The following CFAP52 variants were observed in gnomAD, a reference collection of about 807,000 sequenced individuals.
CFAP52 encodes the protein cilia and flagella associated protein 52.
Under a neutral mutation model 70.5 loss-of-function variants are expected in CFAP52, and 57 were observed. The observed-to-expected ratio is 0.81, with a 90% CI of 0.65 to 1.01. The LOEUF is 1.01. Among genes scored for constraint, CFAP52 ranks in the 50% least tolerant of loss-of-function variants. The pLI, the probability that CFAP52 is intolerant of heterozygous loss-of-function variation, is 0.00. For missense variants in CFAP52, 785 were observed against 788.5 expected (o/e 1.00, Z 0.05); for synonymous variants, 267 against 292.5 (o/e 0.91, Z 0.89).
intron 1 of CFAP52, chr17:9,584,379 C>T (rs1315950502): frequency 7.9e-7 from 1 of 1,271,226 alleles, no homozygotes; most frequent in South Asian, 1.3e-5. Context: ...CTGGTGGGCA[C>T]TCAGAACTGA....
At position 9,581,069 on chromosome 17, in the gene CFAP52, C is replaced by A. The variant is rs941488651; in HGVS notation, c.70+4304C>A. ...TGGTGGCTCACGCCTGTAATCCCAG[C>A]ACTTTGGAAGGCCCAGGCGGGTGGA... On this transcript the variant is annotated intron_variant, in intron 1 of 13. Transcript: ENST00000352665. 2.0e-5 allele frequency among the ~76,000 whole-genome samples: 3 copies of A among 152,224 alleles called. No individual in the cohort carries two copies. The East Asian group carries it at 5.8e-4, about 29-fold the overall frequency.
At chr17:9,632,512 A>G (rs1021192646) in intron 9 of CFAP52, among the ~76,000 whole-genome samples, 2 of 152,202 alleles carry the variant, frequency 1.3e-5, no homozygotes, top group African/African-American at 4.8e-5. Context: ...AGCTGTTATC[A>G]CAATCCAGGA....
intron 11 of CFAP52, among the ~76,000 whole-genome samples, chr17:9,636,225 AAGAAAGAAAGAAAGAAAGAAAGAAAGAG>A (rs1248719750): frequency 2.3e-4 from 34 of 150,096 alleles, no homozygotes; most frequent in African/African-American, 6.2e-4. Flanking sequence ...GAAAGAAAGA[AAGAAAGAAAGAAAGAAAGAAAGAAAGAG>A]AAAGAAAAAT....
At position 9,586,796 on chromosome 17, in the gene CFAP52, T is replaced by G; in HGVS notation, c.369T>G (p.Asp123Glu). 6.2e-7 allele frequency: 1 copy of G among 1,613,496 alleles called. No homozygotes were observed. The highest frequency in any genetic ancestry group is 1.3e-5 in the African/African-American group (1 of 74,970). Residue 123 changes from aspartate (D) to glutamate (E), a missense_variant, in exon 3 of 14, where the codon GAT becomes GAG. By Grantham distance (45) the Asp-to-Glu change is conservative. Coordinates refer to ENST00000352665, the MANE Select transcript of CFAP52 (RefSeq NM_145054.5). ...KIEALAFSPN[D>E]LYLVSLGGPD... Reference sequence around the variant, plus strand: ...AAGCTCTGGCCTTTTCTCCAAATGATTTGTACTTGGTATCACTAGGAGGCC... The same window carrying G: ...AAGCTCTGGCCTTTTCTCCAAATGAGTTGTACTTGGTATCACTAGGAGGCC...
intron 6 of CFAP52, among the ~76,000 whole-genome samples, chr17:9,601,495 G>A (rs1481097568): frequency 4.6e-5 from 7 of 152,210 alleles, no homozygotes; most frequent in South Asian, 2.1e-4. Context: ...TTTAAACTGC[G>A]TTGGTTCCAG....
At chr17:9,613,728 A>C (rs1909797963) in intron 8 of CFAP52, among the ~76,000 whole-genome samples, 1 of 152,074 alleles carries the variant, frequency 6.6e-6, no homozygotes, top group African/African-American at 2.4e-5. Flanking sequence ...CTTGTTGGCC[A>C]GGCTGGTCTT....
intron 1 of CFAP52, among the ~76,000 whole-genome samples, chr17:9,584,824 T>C (rs565619668): frequency 1.2e-4 from 18 of 152,192 alleles, no homozygotes; most frequent in Middle Eastern, 6.8e-3. Context: ...GGTTTCACCA[T>C]GTTGGCCAGG....
intron 7 of CFAP52, among the ~76,000 whole-genome samples, chr17:9,612,103 G>T (rs371459662): frequency 6.6e-6 from 1 of 152,202 alleles, no homozygotes; most frequent in African/African-American, 2.4e-5. Context: ...AAGCTTTCCT[G>T]ACTACTTTAA....
intron 8 of CFAP52, among the ~76,000 whole-genome samples, chr17:9,627,603 T>C (rs1910287873): frequency 6.6e-6 from 1 of 152,252 alleles, no homozygotes; most frequent in South Asian, 2.1e-4. Flanking sequence ...AGGCTGTATT[T>C]ATCTCAAGAA....
chr17:9,583,537 G>A (rs1795557521), intron 1 of CFAP52, among the ~76,000 whole-genome samples: 2 of 151,938 alleles, frequency 1.3e-5, no homozygotes, highest in Admixed American at 6.6e-5. Flanking sequence ...TGAAAAAAAT[G>A]GAAAATGCTA....
At chr17:9,627,334 A>G (rs536450751) in intron 8 of CFAP52, among the ~76,000 whole-genome samples, 2 of 152,104 alleles carry the variant, frequency 1.3e-5, no homozygotes, top group South Asian at 4.2e-4. Context: ...ACATGGTGAA[A>G]CCCCGTCTCT....
At position 9,579,770 on chromosome 17, in the gene CFAP52, G is replaced by A. The variant is rs547284044; in HGVS notation, c.70+3005G>A. On this transcript the variant is annotated intron_variant, in intron 1 of 13. Transcript: ENST00000352665. ...TTTAATAGACACGGTGTTTCGCCACGTTGGCCAGGCTGGTCTTGAACTCCT... is the reference window on the plus strand; with the variant it reads ...TTTAATAGACACGGTGTTTCGCCACATTGGCCAGGCTGGTCTTGAACTCCT... Among the ~76,000 whole-genome samples the A allele has an allele frequency of 5.9e-5, 9 of 152,264 alleles. No individual in the cohort carries two copies. In the South Asian group the frequency reaches 8.3e-4, roughly 14 times the overall value.
At chr17:9,616,702 G>A (rs1259953634) in intron 8 of CFAP52, among the ~76,000 whole-genome samples, 16 of 148,928 alleles carry the variant, frequency 1.1e-4, no homozygotes, top group African/African-American at 2.5e-5. Flanking sequence ...CTGACCCCCG[G>A]GCAGCCTAAC....
At chr17:9,614,027 T>G (rs1479654900) in intron 8 of CFAP52, among the ~76,000 whole-genome samples, 1 of 152,192 alleles carries the variant, frequency 6.6e-6, no homozygotes, top group African/African-American at 2.4e-5. Context: ...TCTGCAAAAC[T>G]GTTTGGCCCT....
chr17:9,588,506 C>G (rs796483160), intron 3 of CFAP52, among the ~76,000 whole-genome samples: 6 of 152,298 alleles, frequency 3.9e-5, no homozygotes, highest in African/African-American at 1.2e-4. Flanking sequence ...ATGAGAGCTG[C>G]TGCTGAATAA....
chr17:9,641,597 C>T (rs1911058724), intron 12 of CFAP52, 127 bp from the exon 13 acceptor site: 1 of 588,178 alleles, frequency 1.7e-6, no homozygotes, highest in South Asian at 2.5e-5. Flanking sequence ...TTTATAATTT[C>T]AGCCAGTATC....
chr17:9,604,408 G>A (rs911090346), intron 6 of CFAP52, among the ~76,000 whole-genome samples: 2 of 152,066 alleles, frequency 1.3e-5, no homozygotes, highest in African/African-American at 4.8e-5. Context: ...AATATACAGA[G>A]AACTTTTAAA....
Position 9,643,084 on chromosome 17 carries a change from G to T in CFAP52, c.1749G>T (p.Gly583=). ...DYNEGEVTHV[G]VGHSGNITRI... ...ATGAGGGTGAAGTGACTCACGTTGG[G>T]GTGGGACACAGTGGCAACATCACAC... is the stretch of plus-strand genomic sequence containing the variant. The change falls in exon 14 of 14, where the codon GGG becomes GGT. Residue 583 remains glycine (G), a synonymous_variant. Coordinates refer to ENST00000352665, the MANE Select transcript of CFAP52 (RefSeq NM_145054.5). 1 of 1,612,844 alleles carries T rather than the reference G, an allele frequency of 6.2e-7. No individual in the cohort carries two copies. Among genetic ancestry groups the T allele is most frequent in the Non-Finnish European group, 8.5e-7 (1 of 1,179,518 alleles).
rs752851311 is a variant in CFAP52 at position 9,603,118 on chromosome 17, C to T, written c.753+2935C>T. Among the ~76,000 whole-genome samples the T allele has an allele frequency of 9.4e-5, 14 of 149,598 alleles. 1 individual carries two copies. The South Asian group carries it at 2.4e-3, about 25-fold the overall frequency. On this transcript the variant is annotated intron_variant, in intron 6 of 13. Transcript: ENST00000352665. ...GTTTTGTTTTCCTAGCACTTGGGAA[C>T]GAAATATCTGTCCAGCAAAGATGCT...
Sources: allele counts gnomAD v4.1 joint callset (sites outside exome capture counted in the v4.1 genomes callset), GRCh38; gene constraint gnomAD v4.1.1; transcripts MANE v1.5; gene names NCBI Gene and HGNC (gene_info 2026-07-23, HGNC 2026-07-21).